DCBLD1: variants seen among roughly 807,000 people sequenced by gnomAD.
DCBLD1 encodes discoidin, CUB and LCCL domain-containing protein 1.
DCBLD1 carries 57 observed loss-of-function variants against 71.5 expected under a neutral mutation model. That is an observed-to-expected ratio of 0.80 (90% CI 0.64 to 0.99). DCBLD1 has a LOEUF of 0.99. Among genes scored for constraint, DCBLD1 ranks in the 50% least tolerant of loss-of-function variants. The pLI, the probability that DCBLD1 is intolerant of heterozygous loss-of-function variation, is 0.00. For synonymous variants in DCBLD1, 380 were observed against 363.8 expected (o/e 1.04, Z -0.51); for missense variants, 891 against 923.5 (o/e 0.96, Z 0.46).
At chr6:117,507,659 T>C (rs1777885548) in intron 2 of DCBLD1, among the ~76,000 whole-genome samples, 1 of 152,196 alleles carries the variant, frequency 6.6e-6, no homozygotes, top group Non-Finnish European at 1.5e-5. Flanking sequence ...ATATCCCTTT[T>C]CCAGTCTGTG....
At chr6:117,484,706 C>T (rs928465654) in intron 1 of DCBLD1, among the ~76,000 whole-genome samples, 2 of 152,212 alleles carry the variant, frequency 1.3e-5, no homozygotes, top group East Asian at 3.9e-4. Context: ...AAAATGCTAC[C>T]ATCTGTGTTA....
At chr6:117,531,149 G>C (rs1329104983) in intron 5 of DCBLD1, among the ~76,000 whole-genome samples, 1 of 152,102 alleles carries the variant, frequency 6.6e-6, no homozygotes, top group Non-Finnish European at 1.5e-5. Context: ...TTATACTGTT[G>C]TAACTTAAGT....
chr6:117,486,867 A>G (rs1257241650), intron 1 of DCBLD1, among the ~76,000 whole-genome samples: 1 of 152,194 alleles, frequency 6.6e-6, no homozygotes, highest in Admixed American at 6.5e-5. Flanking sequence ...AGCAACAGGT[A>G]ATGGAGCATT....
chr6:117,483,249 C>T (rs1335247365), intron 1 of DCBLD1, among the ~76,000 whole-genome samples: 1 of 152,184 alleles, frequency 6.6e-6, no homozygotes, highest in African/African-American at 2.4e-5. Context: ...GACCTGACCC[C>T]GAGGGTCGCC....
chr6:117,548,521 A>T lies in DCBLD1; in HGVS notation c.*82A>T. 6 of 1,530,956 alleles carry T rather than the reference A, an allele frequency of 3.9e-6. No homozygotes were observed. The highest frequency in any genetic ancestry group is 5.3e-6 in the Non-Finnish European group (6 of 1,141,908). 94.8% of individuals were successfully genotyped at this position (1,530,956 alleles called of 1,614,324 possible). ...GGAAGAAGGGAGCCTGCTGGTCCAG[A>T]GTGTGCGTGTGTATCGGTGTGTGTG... On this transcript the variant is annotated 3_prime_UTR_variant, in exon 15 of 15. Transcript: ENST00000338728.
At chr6:117,568,257 T>C (rs1329735636) in intron 14 of DCBLD1, among the ~76,000 whole-genome samples, 1 of 152,070 alleles carries the variant, frequency 6.6e-6, no homozygotes, top group African/African-American at 2.4e-5. Context: ...TTCCAAGCTA[T>C]AATTGTCATT....
At position 117,496,703 on chromosome 6, in the gene DCBLD1, T is replaced by C. The variant is rs567283612; in HGVS notation, c.113-7064T>C. ...ATGAAATCATGTTTTTAGAAATGGT[T>C]TTACTTTTGTGATATTTTAGAGCAC... On this transcript the variant is annotated intron_variant, in intron 1 of 14. Coordinates refer to ENST00000338728, the MANE Select transcript of DCBLD1 (RefSeq NM_001366458.2). Among the ~76,000 whole-genome samples the C allele has an allele frequency of 3.3e-5, 5 of 151,988 alleles. No homozygotes were observed. In the East Asian group the frequency reaches 7.8e-4, roughly 24 times the overall value.
intron 14 of DCBLD1, among the ~76,000 whole-genome samples, chr6:117,566,298 TCA>T (rs1779695351): frequency 6.6e-6 from 1 of 152,130 alleles, no homozygotes; most frequent in South Asian, 2.1e-4. Context: ...TCAGAGACCC[TCA>T]GAGATCCACA....
At chr6:117,525,784 AT>A (rs1778530157) in intron 5 of DCBLD1, among the ~76,000 whole-genome samples, 1 of 152,208 alleles carries the variant, frequency 6.6e-6, no homozygotes, top group Non-Finnish European at 1.5e-5. Context: ...GGACATGAAT[AT>A]TCGTATCATA....
chr6:117,547,556 C>T (rs759026769), intron 14 of DCBLD1: 1 of 547,786 alleles, frequency 1.8e-6, no homozygotes, highest in South Asian at 1.5e-5. Flanking sequence ...ATTTTCGAGG[C>T]TGTTTTTTTC....
chr6:117,551,532 A>G (rs1215100061), downstream of DCBLD1, among the ~76,000 whole-genome samples: 1 of 151,018 alleles, frequency 6.6e-6, no homozygotes, highest in East Asian at 2.0e-4. Context: ...GGCGCCCACC[A>G]CGAGGCCCAG....
At chr6:117,492,419 T>G (rs1318716754) in intron 1 of DCBLD1, among the ~76,000 whole-genome samples, 1 of 152,038 alleles carries the variant, frequency 6.6e-6, no homozygotes, top group Non-Finnish European at 1.5e-5. Context: ...TCTAAATGCC[T>G]TGAAATGGTT....
intron 2 of DCBLD1, among the ~76,000 whole-genome samples, chr6:117,511,870 G>C (rs576390262): frequency 6.6e-6 from 1 of 152,230 alleles, no homozygotes; most frequent in Admixed American, 6.5e-5. Flanking sequence ...GCTGTTTTGG[G>C]CTGCAGACAC....
intron 14 of DCBLD1, among the ~76,000 whole-genome samples, chr6:117,567,218 G>A (rs962162899): frequency 2.6e-5 from 4 of 152,150 alleles, no homozygotes; most frequent in African/African-American, 7.2e-5. Flanking sequence ...GATCAGCCTC[G>A]TGAATCCTCT....
chr6:117,536,623 A>T (rs1467506844), intron 6 of DCBLD1, among the ~76,000 whole-genome samples: 1 of 152,184 alleles, frequency 6.6e-6, no homozygotes, highest in African/African-American at 2.4e-5. Context: ...TGGTTGCTAC[A>T]GTAGGTAGGA....
chr6:117,562,710 T>C (rs1227566276), intron 14 of DCBLD1: 2 of 206,958 alleles, frequency 9.7e-6, no homozygotes, highest in Non-Finnish European at 2.0e-5. Flanking sequence ...TGATCATTAA[T>C]AATTGGTTTA....
chr6:117,519,700 AATC>A, intron 2 of DCBLD1, 113 bp from the exon 3 acceptor site: 1 of 1,315,288 alleles, frequency 7.6e-7, no homozygotes. Context: ...TAAAGATTAT[AATC>A]ATACATATGT....
chr6:117,501,131 A>G (rs569111858), intron 1 of DCBLD1, among the ~76,000 whole-genome samples: 1 of 152,236 alleles, frequency 6.6e-6, no homozygotes, highest in African/African-American at 2.4e-5. Context: ...ATTGAGATGC[A>G]TATTTGTTTG....
chr6:117,489,946 C>T (rs542754319), intron 1 of DCBLD1, among the ~76,000 whole-genome samples: 3 of 152,324 alleles, frequency 2.0e-5, no homozygotes, highest in South Asian at 4.2e-4. Context: ...CAATGATCTT[C>T]CCTAATGCTT....
Sources: gnomAD v4.1 joint callset for allele counts (sites outside exome capture counted in the v4.1 genomes callset) on GRCh38, gnomAD v4.1.1 for gene constraint, MANE v1.5 for transcripts, NCBI Gene and HGNC (gene_info 2026-07-23, HGNC 2026-07-21) for gene names.